Variants in LARP4B observed in about 807,000 individuals in gnomAD.
LARP4B encodes la-related protein 4B.
LARP4B carries 12 observed loss-of-function variants against 89.8 expected under a neutral mutation model. The ratio of observed to expected loss-of-function variants is 0.13; its 90% CI spans 0.09 to 0.22. LARP4B has a LOEUF of 0.22. LARP4B is among the 10% of genes least tolerant of loss of function. The pLI is 1.00. For missense variants in LARP4B, 757 were observed against 947.7 expected (o/e 0.80, Z 2.64); for synonymous variants, 367 against 363.3 (o/e 1.01, Z -0.12).
At chr10:946,556 G>A in the LARP4B span, among the ~76,000 whole-genome samples, 1 of 152,146 alleles carries the variant, frequency 6.6e-6, no homozygotes, top group East Asian at 1.9e-4. Context: ...TAGGGAATAG[G>A]CCTTTCCTTT....
chr10:901,073 C>T (rs1276523427), intron 1 of LARP4B, among the ~76,000 whole-genome samples: 1 of 151,648 alleles, frequency 6.6e-6, no homozygotes, highest in Non-Finnish European at 1.5e-5. Context: ...GCACCTGCCA[C>T]CACGCCCGGC....
At chr10:943,225 G>C in the LARP4B span, among the ~76,000 whole-genome samples, 2 of 152,106 alleles carry the variant, frequency 1.3e-5, no homozygotes, top group South Asian at 4.1e-4. Flanking sequence ...GGGATTACAG[G>C]CATGAGCCAC....
intron 3 of LARP4B, among the ~76,000 whole-genome samples, chr10:878,826 A>G (rs1241908755): frequency 6.6e-6 from 1 of 152,244 alleles, no homozygotes; most frequent in African/African-American, 2.4e-5. Flanking sequence ...AAATGCCTTA[A>G]TAGCAATTAA....
At chr10:967,939 C>T in the LARP4B span, among the ~76,000 whole-genome samples, 18 of 152,220 alleles carry the variant, frequency 1.2e-4, no homozygotes, top group East Asian at 3.9e-4. Context: ...CGACCTCAGG[C>T]GATCCGCCCG....
intron 1 of LARP4B, among the ~76,000 whole-genome samples, chr10:887,773 C>T (rs1253954488): frequency 6.6e-6 from 1 of 151,900 alleles, no homozygotes; most frequent in African/African-American, 2.4e-5. Context: ...CCTATAATTC[C>T]AGCACTCTGG....
chr10:890,463 T>A (rs1835980893), intron 1 of LARP4B, among the ~76,000 whole-genome samples: 2 of 152,338 alleles, frequency 1.3e-5, no homozygotes, highest in East Asian at 1.9e-4. Flanking sequence ...GTCTGTGTAG[T>A]ACCAACGTCT....
Position 884,502 on chromosome 10 carries a change from T to C in LARP4B, c.86A>G (p.Asn29Ser). ...AGAAGTGGTTTGAGATATAGGACCA[T>C]TCATCTGTAAAATTGAAAACAAAGA... The part of the protein sequence containing the change: ...QEGKDSAHLM[N>S]GPISQTTSQT... The change falls in exon 3 of 18, where the codon AAT becomes AGT. Residue 29 changes from asparagine (N) to serine (S), a missense_variant. By Grantham distance (46) the Asn-to-Ser change is conservative (BLOSUM62 1). Coordinates refer to ENST00000316157, the MANE Select transcript of LARP4B (RefSeq NM_015155.3). The C allele has an allele frequency of 6.3e-7, 1 of 1,597,272 alleles. No individual in the cohort carries two copies.
At position 885,671 on chromosome 10, in the gene LARP4B, T is replaced by G. The variant is rs927049830; in HGVS notation, c.51A>C (p.Arg17Ser). Residue 17 changes from arginine to serine, a missense_variant, in exon 2 of 18, where the codon AGA (arginine) becomes AGC (serine). By Grantham distance (110) the Arg-to-Ser change is moderately radical. Around this residue, in one of 5 missense-constraint regions of LARP4B, gnomAD observed 175 missense variants for 187.0 expected, o/e 0.94. Coordinates refer to ENST00000316157, the MANE Select transcript of LARP4B (RefSeq NM_015155.3). ...GAGCGCTGTCCTTGCCCTCCTGGAC[T>G]CTCTGCGTCTGCGGTTCAGCCACAA... ...AKVVAEPQTQ[R>S]VQEGKDSAHL... 5.6e-6 allele frequency: 9 copies of G among 1,614,002 alleles called. No homozygotes were observed. Among genetic ancestry groups the G allele is most frequent in the Non-Finnish European group, 6.8e-6 (8 of 1,179,994 alleles).
At chr10:922,628 C>T (rs1448315794) in intron 1 of LARP4B, among the ~76,000 whole-genome samples, 3 of 151,952 alleles carry the variant, frequency 2.0e-5, no homozygotes, top group Non-Finnish European at 4.4e-5. Flanking sequence ...GGCCACACCA[C>T]TACACTCCAC....
At chr10:957,748 T>C in the LARP4B span, among the ~76,000 whole-genome samples, 3 of 151,918 alleles carry the variant, frequency 2.0e-5, no homozygotes, top group Non-Finnish European at 4.4e-5. Flanking sequence ...CGCTTAGAGA[T>C]TTTATAAAAT....
At chr10:918,941 C>T (rs1002156387) in intron 1 of LARP4B, among the ~76,000 whole-genome samples, 2 of 150,880 alleles carry the variant, frequency 1.3e-5, no homozygotes, top group East Asian at 2.0e-4. Context: ...ATTAGCTGGG[C>T]GTGGTGGCGG....
rs897941751 is a variant in LARP4B at position 860,805 on chromosome 10, C to CT, written c.430+2937dup. Among the ~76,000 whole-genome samples, 255 of 151,290 alleles carry CT rather than the reference C, an allele frequency of 1.7e-3. 1 individual carries two copies. Among genetic ancestry groups the CT allele is most frequent in the African/African-American group, 5.6e-3 (233 of 41,266 alleles). Reference sequence around the variant, plus strand: ...CATCTCTTGGGCCCAGGAGTTCCATCTTTTTTTTTAAAGAGAAAAAAAATC... The same window carrying CT: ...CATCTCTTGGGCCCAGGAGTTCCATCTTTTTTTTTTAAAGAGAAAAAAAATC... On this transcript the variant is annotated intron_variant, in intron 5 of 17. Coordinates refer to ENST00000316157, the MANE Select transcript of LARP4B (RefSeq NM_015155.3).
intron 1 of LARP4B, among the ~76,000 whole-genome samples, chr10:890,541 C>T (rs193119281): frequency 1.3e-5 from 2 of 152,098 alleles, no homozygotes; most frequent in East Asian, 1.9e-4. Flanking sequence ...TAAATGCTAT[C>T]GGGACTCAAA....
chr10:985,868 T>C, the LARP4B span: 1 of 152,176 alleles, frequency 6.6e-6, no homozygotes, highest in Non-Finnish European at 1.5e-5. Flanking sequence ...AGGTGAGGGA[T>C]GGCAAAAAAG....
At chr10:985,237 A>G in the LARP4B span, 1 of 152,262 alleles carries the variant, frequency 6.6e-6, no homozygotes, top group Non-Finnish European at 1.5e-5. Context: ...AGGTTCAACG[A>G]TAATTTAATG....
At chr10:817,183 G>A (rs1832107631) in intron 15 of LARP4B, among the ~76,000 whole-genome samples, 1 of 152,206 alleles carries the variant, frequency 6.6e-6, no homozygotes. Context: ...AGAGGCCAGA[G>A]TGCTGGGCTG....
intron 1 of LARP4B, among the ~76,000 whole-genome samples, chr10:908,530 CT>C (rs1313312691): frequency 6.7e-6 from 1 of 149,516 alleles, no homozygotes; most frequent in Non-Finnish European, 1.5e-5. Context: ...GGGATGAGCC[CT>C]CATTCTGTGG....
intron 5 of LARP4B, among the ~76,000 whole-genome samples, chr10:861,323 A>G (rs1401247782): frequency 6.6e-6 from 1 of 152,200 alleles, no homozygotes; most frequent in Non-Finnish European, 1.5e-5. Context: ...GAGGCAACAC[A>G]TTAATAATGT....
At chr10:905,837 C>G (rs1836476772) in intron 1 of LARP4B, among the ~76,000 whole-genome samples, 1 of 152,160 alleles carries the variant, frequency 6.6e-6, no homozygotes, top group African/African-American at 2.4e-5. Context: ...AACCAGCCTC[C>G]TGCTTGCTGG....
Sources: gnomAD v4.1 joint callset for allele counts (sites outside exome capture counted in the v4.1 genomes callset) on GRCh38, gnomAD v4.1.1 for gene constraint, gnomAD v4.1.1 regional missense constraint, MANE v1.5 for transcripts, NCBI Gene and HGNC (gene_info 2026-07-23, HGNC 2026-07-21) for gene names.